Variants in KMT2C observed in about 807,000 individuals in gnomAD.
KMT2C encodes the protein histone-lysine N-methyltransferase 2C.
In KMT2C, 88 loss-of-function variants were observed where a neutral mutation model predicts 507.9. The observed-to-expected ratio is 0.17, with a 90% CI of 0.15 to 0.21. The LOEUF (loss-of-function observed/expected upper bound fraction) is 0.21. Ranked by LOEUF, KMT2C falls within the 10% of genes least tolerant of loss-of-function variation. The pLI, the probability that KMT2C is intolerant of heterozygous loss-of-function variation, is 1.00. For synonymous variants in KMT2C, 2,049 were observed against 2,080.8 expected (o/e 0.98, Z 0.42); for missense variants, 4,954 against 5,957.8 (o/e 0.83, Z 5.55).
intron 6 of KMT2C, among the ~76,000 whole-genome samples, chr7:152,286,301 G>A (rs4291178): frequency 6.6e-6 from 1 of 152,098 alleles, no homozygotes; most frequent in Non-Finnish European, 1.5e-5. Context: ...TCAACTTACA[G>A]TTTCAAGAAG....
chr7:152,292,330 GCA>G (rs1276544601), intron 6 of KMT2C, among the ~76,000 whole-genome samples: 7 of 149,382 alleles, frequency 4.7e-5, no homozygotes, highest in Non-Finnish European at 4.5e-5. Flanking sequence ...TGTGTGGCGC[GCA>G]CACACACACA....
At chr7:152,270,495 A>C (rs2095943453) in intron 7 of KMT2C, among the ~76,000 whole-genome samples, 1 of 152,194 alleles carries the variant, frequency 6.6e-6, no homozygotes, top group Non-Finnish European at 1.5e-5. Context: ...CAAGGCCTAC[A>C]TGATCTAGCC....
chr7:152,252,566 A>G lies in KMT2C; in HGVS notation c.1449T>C (p.Leu483=), dbSNP rs1275072667. 4 of 1,612,968 alleles carry G rather than the reference A, an allele frequency of 2.5e-6. No homozygotes were observed. In the African/African-American group the frequency reaches 5.3e-5, roughly 22 times the overall value. The change falls in exon 10 of 59, where the codon CTT becomes CTC. Residue 483 remains leucine, a synonymous_variant. Coordinates refer to ENST00000262189, the MANE Select transcript of KMT2C (RefSeq NM_170606.3). ...CTTACCTTTTGCACATATTACAATGAAGCATGTCTTTCTGCAATTCTGGAT... is the reference window on the plus strand; with the variant it reads ...CTTACCTTTTGCACATATTACAATGGAGCATGTCTTTCTGCAATTCTGGAT... The part of the protein sequence containing the change: ...CYHPELQKDM[L]HCNMCKRWVH...
At position 152,331,607 on chromosome 7, in the gene KMT2C, T is replaced by TCAACAA. The variant is rs368990623; in HGVS notation, c.251-874_251-869dup. Among the ~76,000 whole-genome samples the TCAACAA allele has an allele frequency of 1.2e-3, 156 of 134,308 alleles. 1 individual carries two copies. Among genetic ancestry groups the TCAACAA allele is most frequent in the East Asian group, 2.6e-3 (11 of 4,232 alleles). 88.1% of individuals were successfully genotyped at this position (134,308 alleles called of 152,430 possible). A position where few individuals can be genotyped will look rare whatever the true frequency, so the allele number is the denominator to read the frequency against. On this transcript the variant is annotated intron_variant, in intron 2 of 58. Coordinates refer to ENST00000262189, the MANE Select transcript of KMT2C (RefSeq NM_170606.3). ...CTAAGCAACACATCTAGATCCTACC[T>TCAACAA]CAACAACAACAACAACAACAACAAC...
chr7:152,201,784 A>C (rs7777405), intron 26 of KMT2C, among the ~76,000 whole-genome samples: 157 of 152,290 alleles, frequency 1.0e-3, no homozygotes, highest in African/African-American at 3.6e-3. Context: ...GGCACAGGCT[A>C]GGCACTTTAC....
chr7:152,384,600 C>CACCACT (rs2097406525), intron 1 of KMT2C, among the ~76,000 whole-genome samples: 2 of 2,000 alleles, frequency 1.0e-3, no homozygotes, highest in Non-Finnish European at 2.6e-3. Context: ...CCACCACCAC[C>CACCACT]ACCACCACCA....
chr7:152,379,653 C>T (rs1466817864), intron 1 of KMT2C, among the ~76,000 whole-genome samples: 2 of 152,214 alleles, frequency 1.3e-5, no homozygotes, highest in Non-Finnish European at 2.9e-5. Context: ...GATCACTTGA[C>T]CCCAGGAGTT....
intron 26 of KMT2C, 38 bp from the exon 27 acceptor site, chr7:152,199,497 A>G: frequency 4.6e-6 from 6 of 1,308,918 alleles, no homozygotes; most frequent in Non-Finnish European, 6.2e-6. Context: ...TGGTTAGAAA[A>G]TTCTAAAAAG....
chr7:152,175,072 A>C (rs1312696626), intron 38 of KMT2C, among the ~76,000 whole-genome samples: 1 of 152,190 alleles, frequency 6.6e-6, no homozygotes, highest in Non-Finnish European at 1.5e-5. Flanking sequence ...CATAAATAAT[A>C]GAATTGAGGG....
chr7:152,351,695 T>A (rs182637450), intron 2 of KMT2C, among the ~76,000 whole-genome samples: 1 of 152,222 alleles, frequency 6.6e-6, no homozygotes, highest in Non-Finnish European at 1.5e-5. Flanking sequence ...ATAATACTTT[T>A]ATAATTTCTT....
chr7:152,228,511 G>C (rs1391097353), intron 18 of KMT2C, among the ~76,000 whole-genome samples: 1 of 152,154 alleles, frequency 6.6e-6, no homozygotes, highest in Non-Finnish European at 1.5e-5. Flanking sequence ...TCGTGCAAAA[G>C]GAACCATACA....
At chr7:152,366,271 C>A (rs1403950581) in intron 1 of KMT2C, among the ~76,000 whole-genome samples, 1 of 152,120 alleles carries the variant, frequency 6.6e-6, no homozygotes, top group Non-Finnish European at 1.5e-5. Context: ...GAAGCAGAGT[C>A]TCCAAAGAGA....
chr7:152,151,018 A>G lies in KMT2C; in HGVS notation c.12667-11T>C, dbSNP rs746186783. ...GCTTTCTCGGGAATCCTGAAAAGCAAAGAGAAATGTGTGGGAATCTCAACA... is the reference window on the plus strand; with the variant it reads ...GCTTTCTCGGGAATCCTGAAAAGCAGAGAGAAATGTGTGGGAATCTCAACA... On this transcript the variant is annotated splice_polypyrimidine_tract_variant and intron_variant, in intron 50 of 58. Transcript: ENST00000262189. 13 of 1,524,822 alleles carry G rather than the reference A, an allele frequency of 8.5e-6. No individual in the cohort carries two copies. In the Admixed American group the frequency reaches 1.0e-4, roughly 12 times the overall value. The allele number at this position is 1,524,822 out of a possible 1,614,324, so 94.5% of individuals were successfully genotyped here.
intron 9 of KMT2C, among the ~76,000 whole-genome samples, chr7:152,256,501 G>A (rs532256738): frequency 6.6e-6 from 1 of 152,196 alleles, no homozygotes; most frequent in Admixed American, 6.5e-5. Context: ...CAAGGCTACA[G>A]TGAACTATGA....
chr7:152,173,970 ATT>A (rs2093078327), intron 39 of KMT2C, among the ~76,000 whole-genome samples, 159 bp downstream of exon 39: 1 of 152,212 alleles, frequency 6.6e-6, no homozygotes, highest in Non-Finnish European at 1.5e-5. Context: ...TTGGTATAGC[ATT>A]TTGTATCTGA....
rs189619185 is a variant in KMT2C at position 152,430,987 on chromosome 7, A to G, written c.161+4639T>C. Among the ~76,000 whole-genome samples, 282 of 152,328 alleles carry G rather than the reference A, an allele frequency of 1.9e-3. 1 individual carries two copies. Among genetic ancestry groups the G allele is most frequent in the African/African-American group, 6.4e-3 (267 of 41,574 alleles). On this transcript the variant is annotated intron_variant, in intron 1 of 58. Transcript: ENST00000262189. Reference sequence around the variant, plus strand: ...GAGAAACCTGACTGTGGTCTGGGAAACTTTGCAGTTTTGCGGAACAGAGGA... The same window carrying G: ...GAGAAACCTGACTGTGGTCTGGGAAGCTTTGCAGTTTTGCGGAACAGAGGA...
chr7:152,297,051 A>AAGAAAGAAAGACAGACAGAC (rs1356233143), intron 6 of KMT2C, among the ~76,000 whole-genome samples: 7 of 60,270 alleles, frequency 1.2e-4, no homozygotes, highest in African/African-American at 4.1e-4. Context: ...GAAAGAAAGA[A>AAGAAAGAAAGACAGACAGAC]AGACAGAGAG....
At chr7:152,325,579 G>A (rs2096821010) in intron 3 of KMT2C, among the ~76,000 whole-genome samples, 1 of 151,262 alleles carries the variant, frequency 6.6e-6, no homozygotes. Flanking sequence ...TCCCACCTCA[G>A]CCTCCTGAGT....
chr7:152,217,160 T>C (rs1049823630), intron 23 of KMT2C, among the ~76,000 whole-genome samples: 2 of 152,148 alleles, frequency 1.3e-5, no homozygotes, highest in African/African-American at 4.8e-5. Flanking sequence ...ATTTTAGGTT[T>C]AATACAAAAT....
Sources: allele counts gnomAD v4.1 joint callset (sites outside exome capture counted in the v4.1 genomes callset), GRCh38; gene constraint gnomAD v4.1.1; transcripts MANE v1.5; gene names NCBI Gene and HGNC (gene_info 2026-07-23, HGNC 2026-07-21).